EXOC7: variants seen among roughly 807,000 people sequenced by gnomAD.
EXOC7 encodes the protein exocyst complex component 7.
EXOC7 carries 51 observed loss-of-function variants against 87.6 expected under a neutral mutation model. That is an observed-to-expected ratio of 0.58 (90% CI 0.46 to 0.73). The LOEUF (loss-of-function observed/expected upper bound fraction) is 0.73, where lower values mean the gene tolerates loss of function less well. EXOC7 is among the 30% of genes least tolerant of loss of function. The pLI is 0.00. For synonymous variants in EXOC7, 327 were observed against 357.1 expected, an observed-to-expected ratio of 0.92 and a Z score of 0.95; for missense variants, 744 against 888.4, an observed-to-expected ratio of 0.84 and a Z score of 2.07.
Position 76,082,014 on chromosome 17 carries a change from G to A in EXOC7, c.*1634C>T, listed in dbSNP as rs755460772. 24 of 1,611,310 alleles carry A rather than the reference G, an allele frequency of 1.5e-5. No individual in the cohort carries two copies. In the South Asian group the frequency reaches 2.0e-4, roughly 13 times the overall value. On this transcript the variant is annotated 3_prime_UTR_variant, in exon 19 of 19. Coordinates refer to ENST00000589210, the MANE Select transcript of EXOC7 (RefSeq NM_001013839.4). ...AGCCCAGCCCCGAGAGGGGAACAGC[G>A]AGAGCACGGCAACCCAGGGCCTCAT...
intron 4 of EXOC7, 110 bp downstream of exon 4, chr17:76,101,161 C>G (rs555166481): frequency 1.3e-6 from 2 of 1,584,740 alleles, no homozygotes; most frequent in South Asian, 2.3e-5. Context: ...GTGCTATATC[C>G]TTCTGTGTAT....
chr17:76,097,555 T>C (rs1414201992), intron 5 of EXOC7, among the ~76,000 whole-genome samples: 1 of 150,856 alleles, frequency 6.6e-6, no homozygotes, highest in African/African-American at 2.4e-5. Flanking sequence ...AATACAAAAC[T>C]TAGCCAGGCA....
rs367731960 is a variant in EXOC7, at chr17:76,089,325, G to A, written c.902-5C>T. 8 of 1,613,686 alleles carry A rather than the reference G, an allele frequency of 5.0e-6. No individual in the cohort carries two copies. Among genetic ancestry groups the A allele is most frequent in the Admixed American group, 3.3e-5 (2 of 60,000 alleles). Reference sequence around the variant, plus strand: ...CGTCCAGCATGTCATCTCTCCCTGGGGGATGGCACAACTCTTGAGCTGCTG... The same window carrying A: ...CGTCCAGCATGTCATCTCTCCCTGGAGGATGGCACAACTCTTGAGCTGCTG... On this transcript the variant is annotated splice_region_variant and splice_polypyrimidine_tract_variant and intron_variant, in intron 7 of 18. Transcript: ENST00000589210.
rs372517598 is a variant in EXOC7 at position 76,101,676 on chromosome 17, C to T, written c.311+3G>A. The T allele has an allele frequency of 3.7e-6, 6 of 1,609,990 alleles. No homozygotes were observed. In the African/African-American group the frequency reaches 8.0e-5, roughly 22 times the overall value. On this transcript the variant is annotated splice_donor_region_variant and intron_variant, in intron 3 of 18. Coordinates refer to ENST00000589210, the MANE Select transcript of EXOC7 (RefSeq NM_001013839.4). ...ATTGACCCTCTGGGCCTCACTCACT[C>T]ACCCCTCTCTGATGATCTTCTCAGT...
chr17:76,085,731 A>G lies in EXOC7; in HGVS notation c.1562T>C (p.Leu521Pro), dbSNP rs1322403059. The change falls in exon 14 of 19, where the codon CTG becomes CCG. Residue 521 changes from leucine to proline, a missense_variant. By Grantham distance (98) the Leu-to-Pro change is moderately conservative. This residue lies in a region of EXOC7 where 228 missense variants were observed against 298.6 expected (regional missense o/e 0.76). Coordinates refer to ENST00000589210, the MANE Select transcript of EXOC7 (RefSeq NM_001013839.4). The part of the protein sequence containing the change: ...SKSKVYEDPA[L>P]SAIFLHNNYN... ...GTTGTTGTGCAGGAAGATGGCGCTC[A>G]GAGCTGGGTCCTCGTACACCTTGGA... is the stretch of plus-strand genomic sequence containing the variant. 1 of 1,614,114 alleles carries G rather than the reference A, an allele frequency of 6.2e-7. No individual in the cohort carries two copies. Among genetic ancestry groups the G allele is most frequent in the Non-Finnish European group, 8.5e-7 (1 of 1,180,018 alleles).
chr17:76,100,493 C>T (rs1005018762), intron 4 of EXOC7, among the ~76,000 whole-genome samples: 3 of 151,490 alleles, frequency 2.0e-5, no homozygotes, highest in African/African-American at 4.9e-5. Context: ...AAAAATTAGC[C>T]GAGAGTGGTG....
rs1171192544 is a variant in EXOC7 at position 76,081,895 on chromosome 17, C to T, written c.*1753G>A. 1.2e-6 allele frequency: 2 copies of T among 1,610,264 alleles called. No individual in the cohort carries two copies. Among genetic ancestry groups the T allele is most frequent in the Non-Finnish European group, 1.7e-6 (2 of 1,177,692 alleles). On this transcript the variant is annotated 3_prime_UTR_variant, in exon 19 of 19. Coordinates refer to ENST00000589210, the MANE Select transcript of EXOC7 (RefSeq NM_001013839.4). The stretch of plus-strand genomic sequence containing the variant: ...TGCCTCCCCCAGTTTACTACTTCAC[C>T]ATCCTGCTGCTGCTGCTCTTCCTCA...
chr17:76,090,768 C>T (rs1278485713), intron 7 of EXOC7: 4 of 526,774 alleles, frequency 7.6e-6, no homozygotes, highest in African/African-American at 3.8e-5. Flanking sequence ...GCTGCACACA[C>T]TCCCCTTTCT....
Position 76,094,462 on chromosome 17 carries a change from G to A in EXOC7, c.760C>T (p.Pro254Ser), listed in dbSNP as rs758338983. The A allele has an allele frequency of 2.5e-6, 4 of 1,614,050 alleles. No individual in the cohort carries two copies. The East Asian group carries it at 6.7e-5, about 27-fold the overall frequency. ...SSGVPYSPAI[P>S]NKRKDTPTKK... ...GTAGGTGTGTCTTTCCTCTTGTTGG[G>A]GATAGCAGGGGAGTAGGGAACCCCA... is the stretch of plus-strand genomic sequence containing the variant. Residue 254 changes from proline to serine, a missense_variant, in exon 6 of 19, where the codon CCC (proline) becomes TCC (serine). By Grantham distance (74) the Pro-to-Ser change is moderately conservative. Around this residue, in one of 3 missense-constraint regions of EXOC7, gnomAD observed 512 missense variants for 573.0 expected, o/e 0.89. Coordinates refer to ENST00000589210, the MANE Select transcript of EXOC7 (RefSeq NM_001013839.4).
Position 76,083,996 on chromosome 17 carries a change from G to A in EXOC7, c.1952+10C>T. ...GGCAGCACAGGCTGGGAGGGGAATG[G>A]AGGCCTCACTTCTGTAGAAAGGCCC... On this transcript the variant is annotated intron_variant, in intron 18 of 18. Coordinates refer to ENST00000589210, the MANE Select transcript of EXOC7 (RefSeq NM_001013839.4). The A allele has an allele frequency of 6.4e-7, 1 of 1,553,074 alleles. No individual in the cohort carries two copies. Among genetic ancestry groups the A allele is most frequent in the Non-Finnish European group, 8.7e-7 (1 of 1,153,966 alleles).
chr17:76,087,298 C>T (rs998683940), intron 12 of EXOC7: 1 of 397,940 alleles, frequency 2.5e-6, no homozygotes, highest in Non-Finnish European at 4.6e-6. Context: ...CTCTGAAGGC[C>T]AGCTGAGCGA....
chr17:76,089,020 G>A lies in EXOC7; in HGVS notation c.1048-97C>T. On this transcript the variant is annotated intron_variant, in intron 8 of 18. Transcript: ENST00000589210. Reference sequence around the variant, plus strand: ...TTGCAGTATGTAGGGGGGCCAGTGTGCAGGAAGAGGGGTGACGGGGAGGTG... The same window carrying A: ...TTGCAGTATGTAGGGGGGCCAGTGTACAGGAAGAGGGGTGACGGGGAGGTG... 2.0e-6 allele frequency: 3 copies of A among 1,464,430 alleles called. No individual in the cohort carries two copies. In the Admixed American group the frequency reaches 5.1e-5, roughly 25 times the overall value. The allele number at this position is 1,464,430 out of a possible 1,614,324, so 90.7% of individuals were successfully genotyped here. A position where few individuals can be genotyped will look rare whatever the true frequency, so the allele number is the denominator to read the frequency against.
At position 76,082,112 on chromosome 17, in the gene EXOC7, C is replaced by A; in HGVS notation, c.*1536G>T. On this transcript the variant is annotated 3_prime_UTR_variant, in exon 19 of 19. Coordinates refer to ENST00000589210, the MANE Select transcript of EXOC7 (RefSeq NM_001013839.4). ...TGCACACCTAGGGCTGGGGTGAGGGCACGGAGGTCCAGGTGTGGGTAGAGG... is the reference window on the plus strand; with the variant it reads ...TGCACACCTAGGGCTGGGGTGAGGGAACGGAGGTCCAGGTGTGGGTAGAGG... The A allele has an allele frequency of 6.6e-7, 1 of 1,516,794 alleles. No individual in the cohort carries two copies. The allele number at this position is 1,516,794 out of a possible 1,614,324, so 94.0% of individuals were successfully genotyped here.
At position 76,082,871 on chromosome 17, in the gene EXOC7, A is replaced by C; in HGVS notation, c.*777T>G. 2 of 408,206 alleles carry C rather than the reference A, an allele frequency of 4.9e-6. No homozygotes were observed. Among genetic ancestry groups the C allele is most frequent in the Non-Finnish European group, 8.5e-6 (2 of 236,682 alleles). 25.3% of individuals were successfully genotyped at this position (408,206 alleles called of 1,614,324 possible). ...GGTGGGGCCCTATTTTTTGCTTCCA[A>C]CCCCCATTTTGCTCCTTAACTTTTC... On this transcript the variant is annotated 3_prime_UTR_variant, in exon 19 of 19. Transcript: ENST00000589210.
At chr17:76,093,462 A>G (rs2598413) in intron 6 of EXOC7, 74,202 of 152,738 alleles carry the variant, frequency 0.49, 18,545 homozygotes, top group South Asian at 0.67. Flanking sequence ...GAGGGGCATG[A>G]GCAGGCAGGG....
rs763054089 is a variant in EXOC7 at position 76,088,907 on chromosome 17, AG to A, written c.1063del (p.Leu355Ter). 6.2e-7 allele frequency: 1 copy of A among 1,613,162 alleles called. No individual in the cohort carries two copies. The highest frequency in any genetic ancestry group is 8.5e-7 in the Non-Finnish European group (1 of 1,180,000). The part of the protein sequence containing the change: ...DSLIQDALDG[L>X]MLEGENIVSA... ...CACGATGTTCTCCCCTTCAAGCATC[AG>A]CCCATCCAGGGCATCCTGAGGGGGC... On this transcript the variant is annotated frameshift_variant, in exon 9 of 19. Coordinates refer to ENST00000589210, the MANE Select transcript of EXOC7 (RefSeq NM_001013839.4). LOFTEE classifies it high-confidence loss of function.
Position 76,081,236 on chromosome 17 carries a change from A to C in EXOC7, c.*2412T>G, listed in dbSNP as rs762579774. 6.2e-7 allele frequency: 1 copy of C among 1,609,526 alleles called. No homozygotes were observed. The highest frequency in any genetic ancestry group is 1.1e-5 in the South Asian group (1 of 90,496). On this transcript the variant is annotated 3_prime_UTR_variant, in exon 19 of 19. Coordinates refer to ENST00000589210, the MANE Select transcript of EXOC7 (RefSeq NM_001013839.4). ...GCTACCCCCAGACTTGGCAGCTGGG[A>C]TCTCTCCTTCCTGGTTCATAGTTCT...
chr17:76,102,004 T>A, intron 2 of EXOC7, 141 bp from the exon 3 acceptor site: 6 of 620,782 alleles, frequency 9.7e-6, no homozygotes, highest in Non-Finnish European at 1.6e-5. Flanking sequence ...GTGTACCTGT[T>A]CCCCACTGTA....
At position 76,082,517 on chromosome 17, in the gene EXOC7, G is replaced by C; in HGVS notation, c.*1131C>G. The C allele has an allele frequency of 1.2e-6, 2 of 1,613,770 alleles. No individual in the cohort carries two copies. The highest frequency in any genetic ancestry group is 1.7e-6 in the Non-Finnish European group (2 of 1,179,896). ...AGAAGCTGGCCTGAGACTGCTGACC[G>C]CATCTTCTTCCTCGTGTATGTGGTT... On this transcript the variant is annotated 3_prime_UTR_variant, in exon 19 of 19. Transcript: ENST00000589210.
Sources: gnomAD v4.1 joint callset for allele counts (sites outside exome capture counted in the v4.1 genomes callset) on GRCh38, gnomAD v4.1.1 for gene constraint, gnomAD v4.1.1 regional missense constraint, MANE v1.5 for transcripts, NCBI Gene and HGNC (gene_info 2026-07-23, HGNC 2026-07-21) for gene names.